RANBP3: variants seen among roughly 807,000 people sequenced by gnomAD.
RANBP3 encodes RAN binding protein 3, also known as ran-binding protein 3.
A neutral mutation model predicts 77.3 loss-of-function variants in RANBP3; 14 were observed. The observed-to-expected ratio is 0.18, with a 90% CI of 0.12 to 0.28. The LOEUF is 0.28. RANBP3 is among the 10% of genes least tolerant of loss of function. The pLI is 1.00. For missense variants in RANBP3, 586 were observed against 752.3 expected (o/e 0.78, Z 2.59); for synonymous variants, 315 against 312.4 (o/e 1.01, Z -0.09).
intron 5 of RANBP3, chr19:5,934,229 G>A (rs1228223211): frequency 6.6e-6 from 1 of 152,272 alleles, no homozygotes; most frequent in Non-Finnish European, 1.5e-5. Context: ...TACAGGGAGT[G>A]GGGATGGTGG....
At chr19:5,949,015 T>C (rs542436195) in intron 3 of RANBP3, among the ~76,000 whole-genome samples, 10 of 152,152 alleles carry the variant, frequency 6.6e-5, no homozygotes, top group Admixed American at 5.2e-4. Context: ...ATGGCCAGGG[T>C]TCTGACGAGA....
intron 3 of RANBP3, among the ~76,000 whole-genome samples, 168 bp downstream of exon 3, chr19:5,951,225 C>A (rs144780271): frequency 1.3e-3 from 198 of 152,328 alleles, no homozygotes; most frequent in African/African-American, 4.6e-3. Context: ...CCTGACTTTT[C>A]AGCAGCATGA....
At chr19:5,944,447 C>T (rs2058178259) in intron 3 of RANBP3, among the ~76,000 whole-genome samples, 1 of 152,212 alleles carries the variant, frequency 6.6e-6, no homozygotes, top group African/African-American at 2.4e-5. Context: ...GACAGAAGTA[C>T]AGAGAAGCAG....
At chr19:5,937,135 C>T (rs976580200) in intron 5 of RANBP3, among the ~76,000 whole-genome samples, 2 of 141,114 alleles carry the variant, frequency 1.4e-5, no homozygotes, top group African/African-American at 5.2e-5. Flanking sequence ...ACTCTAAAGA[C>T]ATCACTGGGC....
At chr19:5,970,199 G>A (rs1176688753) in intron 1 of RANBP3, among the ~76,000 whole-genome samples, 1 of 152,142 alleles carries the variant, frequency 6.6e-6, no homozygotes, top group African/African-American at 2.4e-5. Context: ...ACTGAGCTGA[G>A]GGCAAGAAAC....
intron 3 of RANBP3, among the ~76,000 whole-genome samples, chr19:5,946,406 G>C (rs1262984127): frequency 6.6e-6 from 1 of 152,166 alleles, no homozygotes; most frequent in East Asian, 1.9e-4. Flanking sequence ...CTGATCTCAG[G>C]AGACCCTCAA....
chr19:5,955,258 G>C (rs2058322471), intron 2 of RANBP3, among the ~76,000 whole-genome samples: 2 of 152,176 alleles, frequency 1.3e-5, no homozygotes, highest in African/African-American at 4.8e-5. Flanking sequence ...AGCCTCCTGA[G>C]TAGCTGGGAT....
intron 8 of RANBP3, among the ~76,000 whole-genome samples, chr19:5,929,910 C>T (rs2057965830): frequency 6.6e-6 from 1 of 152,216 alleles, no homozygotes; most frequent in South Asian, 2.1e-4. Flanking sequence ...CTGGGAATGG[C>T]AGCCAGCACA....
chr19:5,925,230 C>G, intron 10 of RANBP3: 2 of 481,236 alleles, frequency 4.2e-6, no homozygotes, highest in Non-Finnish European at 7.6e-6. Flanking sequence ...GCATTACCCC[C>G]AGCCATGTCA....
chr19:5,920,873 G>A (rs2057808947), intron 14 of RANBP3: 1 of 195,524 alleles, frequency 5.1e-6, no homozygotes, highest in South Asian at 9.6e-5. Flanking sequence ...CAAGAGATTA[G>A]ACTTGATGTT....
intron 9 of RANBP3, among the ~76,000 whole-genome samples, chr19:5,926,317 C>T (rs1253524549): frequency 1.3e-5 from 2 of 152,056 alleles, no homozygotes; most frequent in Non-Finnish European, 2.9e-5. Flanking sequence ...GAGGCTGAGG[C>T]GGCGGGGAAT....
intron 2 of RANBP3, among the ~76,000 whole-genome samples, chr19:5,953,689 A>C (rs912318921): frequency 6.6e-6 from 1 of 152,022 alleles, no homozygotes; most frequent in Non-Finnish European, 1.5e-5. Context: ...AAAAGAAAGA[A>C]CTCTATCTCC....
intron 2 of RANBP3, among the ~76,000 whole-genome samples, chr19:5,957,428 T>A (rs572135061): frequency 4.6e-5 from 7 of 152,062 alleles, no homozygotes; most frequent in African/African-American, 1.7e-4. Flanking sequence ...TGCAAACAAA[T>A]GAACAATTAC....
chr19:5,975,677 A>G (rs2058582116), intron 1 of RANBP3, among the ~76,000 whole-genome samples: 2 of 146,496 alleles, frequency 1.4e-5, no homozygotes, highest in Admixed American at 7.2e-5. Flanking sequence ...GTTAAGAGCT[A>G]TACAGGAAAA....
chr19:5,940,389 CTTAAA>C (rs1320320787), intron 5 of RANBP3, among the ~76,000 whole-genome samples: 1 of 152,170 alleles, frequency 6.6e-6, no homozygotes, highest in Non-Finnish European at 1.5e-5. Context: ...TGCAAAGATC[CTTAAA>C]TTAAAAGGAT....
intron 5 of RANBP3, among the ~76,000 whole-genome samples, chr19:5,940,168 C>T (rs763828561): frequency 1.1e-4 from 17 of 152,212 alleles, no homozygotes; most frequent in African/African-American, 1.7e-4. Context: ...GGGGCTGCTG[C>T]GCTGGACGGG....
chr19:5,918,367 G>T, intron 15 of RANBP3, 129 bp downstream of exon 15: 2 of 1,018,706 alleles, frequency 2.0e-6, no homozygotes, highest in East Asian at 2.8e-5. Flanking sequence ...AGTGCTTCTT[G>T]TGTCCCAGGA....
chr19:5,918,485 G>A lies in RANBP3; in HGVS notation c.1473+11C>T, dbSNP rs1186717523. 1 of 1,604,610 alleles carries A rather than the reference G, an allele frequency of 6.2e-7. No homozygotes were observed. The highest frequency in any genetic ancestry group is 1.7e-5 in the Admixed American group (1 of 59,528). On this transcript the variant is annotated intron_variant, in intron 15 of 16. Coordinates refer to ENST00000340578, the MANE Select transcript of RANBP3 (RefSeq NM_007322.3). ...TGAGGGGTCCCAGATGCACCCGCGT[G>A]GCTGGCTCACCGAGATCAGGAAGAC...
At chr19:5,971,855 AGAAG>A (rs2058534231) in intron 1 of RANBP3, among the ~76,000 whole-genome samples, 2 of 152,244 alleles carry the variant, frequency 1.3e-5, no homozygotes, top group Admixed American at 1.3e-4. Context: ...GCACTGGAAG[AGAAG>A]GAAGTGGGCT....
Sources: allele counts gnomAD v4.1 joint callset (sites outside exome capture counted in the v4.1 genomes callset), GRCh38; gene constraint gnomAD v4.1.1; transcripts MANE v1.5; gene names NCBI Gene and HGNC (gene_info 2026-07-23, HGNC 2026-07-21).